CCNK: variants seen among roughly 807,000 people sequenced by gnomAD.
CCNK encodes cyclin K.
Under a neutral mutation model 65.0 loss-of-function variants are expected in CCNK, and 9 were observed. The ratio of observed to expected loss-of-function variants is 0.14; its 90% CI spans 0.08 to 0.24. The LOEUF (loss-of-function observed/expected upper bound fraction) is 0.24. Ranked by LOEUF, CCNK falls within the 10% of genes least tolerant of loss-of-function variation. The probability of loss-of-function intolerance (pLI) is 1.00; values close to 1 mark genes in which losing one functional copy is unlikely to be tolerated. For missense variants in CCNK, 474 were observed against 720.0 expected (o/e 0.66, Z 3.91); for synonymous variants, 279 against 270.8 (o/e 1.03, Z -0.30).
rs974419716 is a variant in CCNK at position 99,511,954 on chromosome 14, G to A, written c.*1172G>A. On this transcript the variant is annotated 3_prime_UTR_variant, in exon 11 of 11. Coordinates refer to ENST00000389879, the MANE Select transcript of CCNK (RefSeq NM_001099402.2). ...GGGCCCCGACTGAGCCCCCATCTGC[G>A]GTGCTTGAGGGGCCTTGGCCCTGTC... 13 of 152,226 alleles carry A rather than the reference G, an allele frequency of 8.5e-5. No homozygotes were observed. The highest frequency in any genetic ancestry group is 2.9e-4 in the African/African-American group (12 of 41,426). The allele number at this position is 152,226 out of a possible 1,614,324, so 9.4% of individuals were successfully genotyped here.
intron 4 of CCNK, 68 bp from the exon 5 acceptor site, chr14:99,500,698 C>G (rs1266869708): frequency 9.9e-7 from 1 of 1,012,264 alleles, no homozygotes; most frequent in Non-Finnish European, 1.5e-6. Context: ...CAGGAAAGCT[C>G]ACTTTTGTAA....
intron 1 of CCNK, 161 bp from the exon 2 acceptor site, chr14:99,492,465 T>C (rs144961725): frequency 2.0e-4 from 109 of 535,970 alleles, no homozygotes; most frequent in African/African-American, 2.0e-3. Flanking sequence ...TCTTACAGTA[T>C]TGTGTTAAAT....
chr14:99,507,394 A>AG, intron 10 of CCNK: 1 of 489,118 alleles, frequency 2.0e-6, no homozygotes, highest in South Asian at 2.1e-5. Context: ...CTGGGCAACA[A>AG]AGTGAGACCC....
At position 99,511,981 on chromosome 14, in the gene CCNK, C is replaced by T. The variant is rs374997897; in HGVS notation, c.*1199C>T. 6.6e-6 allele frequency: 1 copy of T among 152,258 alleles called. No individual in the cohort carries two copies. The highest frequency in any genetic ancestry group is 6.5e-5 in the Admixed American group (1 of 15,278). The allele number at this position is 152,258 out of a possible 1,614,324, so 9.4% of individuals were successfully genotyped here. ...TGCTTGAGGGGCCTTGGCCCTGTCT[C>T]TGCCTGCTGACCCTGCCACCCACGA... On this transcript the variant is annotated 3_prime_UTR_variant, in exon 11 of 11. Coordinates refer to ENST00000389879, the MANE Select transcript of CCNK (RefSeq NM_001099402.2).
At chr14:99,494,403 A>G (rs1295540324) in intron 3 of CCNK, 1 of 152,248 alleles carries the variant, frequency 6.6e-6, no homozygotes, top group African/African-American at 2.4e-5. Flanking sequence ...GCAGTAATTA[A>G]AAGGTTTCGT....
chr14:99,482,301 C>G (rs1896359924), intron 1 of CCNK, among the ~76,000 whole-genome samples: 1 of 152,200 alleles, frequency 6.6e-6, no homozygotes. Context: ...TTTACAGATA[C>G]CTAGCACAAT....
In CCNK at chr14:99,503,664, T is replaced by C; in HGVS notation, c.1045+20T>C. The C allele has an allele frequency of 6.5e-7, 1 of 1,546,552 alleles. No individual in the cohort carries two copies. Among genetic ancestry groups the C allele is most frequent in the East Asian group, 2.4e-5 (1 of 41,948 alleles). ...CAGCAGGTAATTTCCTGTTCTGATG[T>C]TTTTTTAGTTTTATGTGTTTATATG... On this transcript the variant is annotated intron_variant, in intron 9 of 10. Coordinates refer to ENST00000389879, the MANE Select transcript of CCNK (RefSeq NM_001099402.2).
At chr14:99,486,312 A>T (rs1396893438) in intron 1 of CCNK, among the ~76,000 whole-genome samples, 4 of 152,176 alleles carry the variant, frequency 2.6e-5, no homozygotes, top group Non-Finnish European at 5.9e-5. Flanking sequence ...TGGGTAAATC[A>T]TAAGTGCATT....
At chr14:99,491,542 G>T (rs540734400) in intron 1 of CCNK, among the ~76,000 whole-genome samples, 1 of 152,204 alleles carries the variant, frequency 6.6e-6, no homozygotes, top group South Asian at 2.1e-4. Context: ...AATTTAATCA[G>T]TCACACACAA....
At chr14:99,493,407 CT>C in intron 2 of CCNK, 106 bp from the exon 3 acceptor site, 1 of 635,488 alleles carries the variant, frequency 1.6e-6, no homozygotes, top group Non-Finnish European at 2.7e-6. Flanking sequence ...ATATTGTTTA[CT>C]TTACCATTGA....
intron 1 of CCNK, among the ~76,000 whole-genome samples, chr14:99,484,279 AG>A (rs1896428728): frequency 6.6e-6 from 1 of 152,254 alleles, no homozygotes; most frequent in Non-Finnish European, 1.5e-5. Context: ...ATAAATTGTG[AG>A]GATAAGAAAA....
intron 9 of CCNK, chr14:99,505,619 TG>T (rs1896955018): frequency 6.6e-6 from 1 of 152,222 alleles, no homozygotes; most frequent in Non-Finnish European, 1.5e-5. Flanking sequence ...CCCAGCACTT[TG>T]GGAGGCCAAG....
intron 7 of CCNK, 85 bp from the exon 8 acceptor site, chr14:99,502,634 G>T: frequency 7.5e-7 from 1 of 1,329,844 alleles, no homozygotes; most frequent in Non-Finnish European, 1.1e-6. Context: ...GTCCTCGTAG[G>T]GGTATCATAA....
chr14:99,503,308 G>C lies in CCNK; in HGVS notation c.1012-303G>C, dbSNP rs571866268. 178 of 607,926 alleles carry C rather than the reference G, an allele frequency of 2.9e-4. 10 individuals are homozygous for C. The South Asian group carries it at 3.3e-3, about 11-fold the overall frequency. 37.7% of individuals were successfully genotyped at this position (607,926 alleles called of 1,614,324 possible). Reference sequence around the variant, plus strand: ...GCATGCTGCTTCTGTGCAGCTGCCTGACCCCAAACAGTGGACCGTTTCCTG... The same window carrying C: ...GCATGCTGCTTCTGTGCAGCTGCCTCACCCCAAACAGTGGACCGTTTCCTG... On this transcript the variant is annotated intron_variant, in intron 8 of 10. Transcript: ENST00000389879.
chr14:99,492,865 G>A lies in CCNK; in HGVS notation c.188G>A (p.Arg63His), dbSNP rs1255369135. The change falls in exon 2 of 11, where the codon CGT becomes CAT. Residue 63 changes from arginine to histidine, a missense_variant. This residue lies in a region of CCNK where 87 missense variants were observed against 166.2 expected (regional missense o/e 0.52). Transcript: ENST00000389879. ...CGGTTCATCTTTGATGTGGGCACAC[G>A]TTTGGGGCTGTATCCTGACTCTCCT... ...GARFIFDVGT[R>H]LGLHYDTLAT... 1 of 1,592,232 alleles carries A rather than the reference G, an allele frequency of 6.3e-7. No homozygotes were observed. Among genetic ancestry groups the A allele is most frequent in the Non-Finnish European group, 8.5e-7 (1 of 1,174,234 alleles).
At chr14:99,489,949 G>A (rs1896565263) in intron 1 of CCNK, among the ~76,000 whole-genome samples, 1 of 152,172 alleles carries the variant, frequency 6.6e-6, no homozygotes, top group South Asian at 2.1e-4. Flanking sequence ...AATAATAAAT[G>A]TTGAAGCAGT....
Position 99,511,415 on chromosome 14 carries a change from T to C in CCNK, c.*633T>C, listed in dbSNP as rs1411091707. 1.3e-4 allele frequency: 20 copies of C among 152,482 alleles called. No homozygotes were observed. 9.4% of individuals were successfully genotyped at this position (152,482 alleles called of 1,614,324 possible). ...TTGCAAATTCCTGTACATAGAGATATATTTTTTAAGTGTGAATGTAACAAC... is the reference window on the plus strand; with the variant it reads ...TTGCAAATTCCTGTACATAGAGATACATTTTTTAAGTGTGAATGTAACAAC... On this transcript the variant is annotated 3_prime_UTR_variant, in exon 11 of 11. Transcript: ENST00000389879.
chr14:99,510,000 C>A, intron 10 of CCNK, 157 bp from the exon 11 acceptor site: 1 of 686,016 alleles, frequency 1.5e-6, no homozygotes, highest in Non-Finnish European at 2.4e-6. Context: ...CATCTGGTGG[C>A]ATCAGGACAT....
At chr14:99,506,944 A>G in intron 9 of CCNK, 132 bp from the exon 10 acceptor site, 1 of 716,954 alleles carries the variant, frequency 1.4e-6, no homozygotes, top group Non-Finnish European at 2.6e-6. Context: ...ACCTTCTTCA[A>G]GTTCCCTTAA....
Sources: allele counts gnomAD v4.1 joint callset (sites outside exome capture counted in the v4.1 genomes callset), GRCh38; gene constraint gnomAD v4.1.1; regional missense constraint gnomAD v4.1.1; transcripts MANE v1.5; gene names NCBI Gene and HGNC (gene_info 2026-07-23, HGNC 2026-07-21).